Variants in COLGALT1 observed in about 807,000 individuals in gnomAD.
COLGALT1 encodes collagen beta(1-O)galactosyltransferase 1.
A neutral mutation model predicts 60.8 loss-of-function variants in COLGALT1; 43 were observed. The observed-to-expected ratio is 0.71, with a 90% CI of 0.55 to 0.91. The LOEUF (loss-of-function observed/expected upper bound fraction) is 0.91. Ranked by LOEUF, COLGALT1 falls within the 40% of genes least tolerant of loss-of-function variation. The pLI is 0.00. For missense variants in COLGALT1, 845 were observed against 880.0 expected (o/e 0.96, Z 0.50); for synonymous variants, 369 against 374.2 (o/e 0.99, Z 0.16).
chr19:17,571,920 G>A (rs942339960), intron 5 of COLGALT1: 1 of 152,228 alleles, frequency 6.6e-6, no homozygotes, highest in Non-Finnish European at 1.5e-5. Context: ...CATAGCTCAT[G>A]GCAGCCTCAA....
chr19:17,559,151 C>A (rs1336556960), intron 1 of COLGALT1, among the ~76,000 whole-genome samples, 160 bp from the exon 2 acceptor site: 1 of 151,948 alleles, frequency 6.6e-6, no homozygotes, highest in Non-Finnish European at 1.5e-5. Flanking sequence ...CAGAGCGAGA[C>A]TCTGTCTCAA....
Position 17,577,416 on chromosome 19 carries a change from C to T in COLGALT1, c.1082C>T (p.Ala361Val). The stretch of plus-strand genomic sequence containing the variant: ...GACCGGCGGGAGCGCATGCTGCGGG[C>T]GCTGCAGGCACAGGAGATCGAGTGC... Reference protein sequence around the residue: ...RQDRRERMLRALQAQEIECRL... With the variant: ...RQDRRERMLRVLQAQEIECRL... Residue 361 changes from alanine to valine, a missense_variant, in exon 8 of 12, where the codon GCG (alanine) becomes GTG (valine). Physicochemically the swap from Ala to Val is moderately conservative, Grantham distance 64. Transcript: ENST00000252599. 1 of 1,501,386 alleles carries T rather than the reference C, an allele frequency of 6.7e-7. No individual in the cohort carries two copies. Among genetic ancestry groups the T allele is most frequent in the Non-Finnish European group, 8.9e-7 (1 of 1,122,622 alleles). 93.0% of individuals were successfully genotyped at this position (1,501,386 alleles called of 1,614,324 possible).
intron 3 of COLGALT1, among the ~76,000 whole-genome samples, chr19:17,565,316 C>T (rs943830418): frequency 1.3e-5 from 2 of 151,906 alleles, no homozygotes; most frequent in Middle Eastern, 3.2e-3. Context: ...TCACCATGCC[C>T]GGCTAATTAT....
At chr19:17,575,255 G>GT (rs915040060) in intron 6 of COLGALT1, among the ~76,000 whole-genome samples, 3 of 150,894 alleles carry the variant, frequency 2.0e-5, no homozygotes, top group Non-Finnish European at 3.0e-5. Flanking sequence ...TTGTTTGTTT[G>GT]TTTTTTTTGA....
intron 1 of COLGALT1, among the ~76,000 whole-genome samples, chr19:17,559,024 G>A (rs983934085): frequency 6.6e-6 from 1 of 152,142 alleles, no homozygotes; most frequent in African/African-American, 2.4e-5. Flanking sequence ...AGCCGGGTGT[G>A]GTGGCGGGCG....
In COLGALT1 at chr19:17,562,193, A is replaced by T. The variant is rs535965920; in HGVS notation, c.489+1728A>T. Among the ~76,000 whole-genome samples, 329 of 152,334 alleles carry T rather than the reference A, an allele frequency of 2.2e-3. 1 individual carries two copies. The highest frequency in any genetic ancestry group is 7.3e-3 in the African/African-American group (305 of 41,574). The stretch of plus-strand genomic sequence containing the variant: ...AGCCCATCTCTTAAAACAAACAAAC[A>T]AAAAGCAGAAAAGAAAAAGCAAAGA... On this transcript the variant is annotated intron_variant, in intron 3 of 11. Transcript: ENST00000252599.
At chr19:17,571,845 T>C (rs1218862023) in intron 5 of COLGALT1, 1 of 152,104 alleles carries the variant, frequency 6.6e-6, no homozygotes, top group Non-Finnish European at 1.5e-5. Flanking sequence ...TTACTGTTTT[T>C]TTTTTGGGTT....
At chr19:17,575,136 C>T (rs1195349431) in intron 6 of COLGALT1, among the ~76,000 whole-genome samples, 2 of 152,204 alleles carry the variant, frequency 1.3e-5, no homozygotes, top group African/African-American at 4.8e-5. Flanking sequence ...ACTGCAACCT[C>T]CGCCTCCCAG....
At position 17,559,320 on chromosome 19, in the gene COLGALT1, G is replaced by C; in HGVS notation, c.270G>C (p.Thr90=). The C allele has an allele frequency of 1.3e-6, 2 of 1,551,850 alleles. No homozygotes were observed. The highest frequency in any genetic ancestry group is 1.7e-6 in the Non-Finnish European group (2 of 1,147,012). ...TCCCCTCTCCCTGCAGGGTGGCTAC[G>C]GACCACAACATGGATAACACGTCAA... The part of the protein sequence containing the change: ...PRERTALWVA[T]DHNMDNTSTV... Residue 90 remains threonine, a synonymous_variant, in exon 2 of 12, where the codon ACG becomes ACC. Transcript: ENST00000252599.
rs1369409913 is a variant in COLGALT1 at position 17,581,690 on chromosome 19, A to T, written c.*246A>T. ...GGAACCAAGCCCTCTTCATCTGTTC[A>T]TGTGCCCAGCATTTATTAAGCACCT... On this transcript the variant is annotated 3_prime_UTR_variant, in exon 12 of 12. Coordinates refer to ENST00000252599, the MANE Select transcript of COLGALT1 (RefSeq NM_024656.4). 7.1e-6 allele frequency: 4 copies of T among 566,078 alleles called. No homozygotes were observed. Among genetic ancestry groups the T allele is most frequent in the African/African-American group, 5.6e-5 (3 of 53,396 alleles). 35.1% of individuals were successfully genotyped at this position (566,078 alleles called of 1,614,324 possible).
intron 11 of COLGALT1, 51 bp from the exon 12 acceptor site, chr19:17,581,125 TC>T: frequency 1.9e-6 from 3 of 1,577,130 alleles, no homozygotes; most frequent in Non-Finnish European, 2.6e-6. Context: ...CCTCCAGCTG[TC>T]CCGTCCCCTG....
intron 3 of COLGALT1, among the ~76,000 whole-genome samples, chr19:17,564,062 C>CT (rs1178709209): frequency 8.4e-6 from 1 of 119,728 alleles, no homozygotes; most frequent in Admixed American, 8.2e-5. Context: ...ATAGTGAGAC[C>CT]CCCCCCATCT....
At chr19:17,580,600 C>T (rs1367221729) in intron 10 of COLGALT1, 99 bp from the exon 11 acceptor site, 2 of 1,168,018 alleles carry the variant, frequency 1.7e-6, no homozygotes, top group Non-Finnish European at 2.5e-6. Context: ...GAGCCTGCTC[C>T]CATCCCAGGA....
rs770416558 is a variant in COLGALT1, at chr19:17,561,244, CAAAT to C, written c.489+783_489+786del. On this transcript the variant is annotated intron_variant, in intron 3 of 11. Coordinates refer to ENST00000252599, the MANE Select transcript of COLGALT1 (RefSeq NM_024656.4). ...ATAAATAAATATTTTTAAAAAATAA[CAAAT>C]AAAAAATATTTTTGTAGAGACGGGG... Among the ~76,000 whole-genome samples the C allele has an allele frequency of 4.7e-4, 71 of 151,848 alleles. No homozygotes were observed. The East Asian group carries it at 0.012, about 26-fold the overall frequency.
chr19:17,568,717 C>T lies in COLGALT1; in HGVS notation c.829+4C>T, dbSNP rs1368045533. On this transcript the variant is annotated splice_donor_region_variant and intron_variant, in intron 5 of 11. Coordinates refer to ENST00000252599, the MANE Select transcript of COLGALT1 (RefSeq NM_024656.4). The stretch of plus-strand genomic sequence containing the variant: ...GCCTTCTCCTGCAAGCAGGCAGGTA[C>T]GTACATGAGGGGTCTGCCATCGCAG... 11 of 1,613,980 alleles carry T rather than the reference C, an allele frequency of 6.8e-6. No homozygotes were observed. Among genetic ancestry groups the T allele is most frequent in the South Asian group, 1.1e-5 (1 of 91,084 alleles).
intron 1 of COLGALT1, among the ~76,000 whole-genome samples, chr19:17,556,290 C>T (rs2076210916): frequency 2.0e-5 from 3 of 152,242 alleles, no homozygotes; most frequent in African/African-American, 4.8e-5. Context: ...GCCTGCTGGA[C>T]CCTACTAGGG....
chr19:17,576,586 AG>A (rs2144841740), intron 6 of COLGALT1, among the ~76,000 whole-genome samples: 1 of 128,754 alleles, frequency 7.8e-6, no homozygotes, highest in South Asian at 2.7e-4. Flanking sequence ...GGCTGGGAGC[AG>A]GGTGAAGCTG....
chr19:17,576,365 C>T (rs766852392), intron 6 of COLGALT1, among the ~76,000 whole-genome samples: 1 of 151,618 alleles, frequency 6.6e-6, no homozygotes, highest in Non-Finnish European at 1.5e-5. Context: ...AGTAACGTTA[C>T]AGAGCAGGGA....
intron 9 of COLGALT1, among the ~76,000 whole-genome samples, chr19:17,578,711 C>G (rs2076360111): frequency 1.3e-5 from 2 of 152,148 alleles, no homozygotes; most frequent in Non-Finnish European, 2.9e-5. Context: ...AAAACCGTGT[C>G]TCAGAAAAAA....
Sources: allele counts gnomAD v4.1 joint callset (sites outside exome capture counted in the v4.1 genomes callset), GRCh38; gene constraint gnomAD v4.1.1; transcripts MANE v1.5; gene names NCBI Gene and HGNC (gene_info 2026-07-23, HGNC 2026-07-21).